Variants in FHIT observed in about 807,000 individuals in gnomAD.
The protein encoded by FHIT is fragile histidine triad diadenosine triphosphatase, also known as bis(5'-adenosyl)-triphosphatase.
A neutral mutation model predicts 17.9 loss-of-function variants in FHIT; 19 were observed. That is an observed-to-expected ratio of 1.06 (90% CI 0.74 to 1.56). The LOEUF is 1.56. FHIT is among the 40% of genes most tolerant of loss of function. FHIT has a pLI of 0.00. For missense variants in FHIT, 248 were observed against 189.2 expected (o/e 1.31, Z -1.82); for synonymous variants, 81 against 69.7 (o/e 1.16, Z -0.81).
intron 4 of FHIT, among the ~76,000 whole-genome samples, chr3:60,540,907 A>G (rs1307416493): frequency 6.6e-6 from 1 of 152,178 alleles, no homozygotes; most frequent in Non-Finnish European, 1.5e-5. Flanking sequence ...TCTCAAGGTG[A>G]CGTCCCTCCA....
chr3:60,731,348 A>C (rs2042025663), intron 4 of FHIT, among the ~76,000 whole-genome samples: 1 of 152,136 alleles, frequency 6.6e-6, no homozygotes, highest in Non-Finnish European at 1.5e-5. Flanking sequence ...CAGGAGTGAA[A>C]GTTTATTAGA....
intron 5 of FHIT, among the ~76,000 whole-genome samples, chr3:60,498,833 C>A (rs74696695): frequency 6.7e-6 from 1 of 149,740 alleles, no homozygotes; most frequent in African/African-American, 2.4e-5. Context: ...TTAAGCTCAA[C>A]TTAAAAAAAA....
chr3:60,441,793 T>TATATATTTATATATAAAATATATATAA (rs1559916406), intron 5 of FHIT, among the ~76,000 whole-genome samples: 2 of 111,240 alleles, frequency 1.8e-5, no homozygotes, highest in Admixed American at 1.1e-4. Context: ...AATATATATA[T>TATATATTTATATATAAAATATATATAA]ATATATATAT....
At chr3:60,218,450 G>A (rs920543438) in intron 5 of FHIT, among the ~76,000 whole-genome samples, 2 of 152,102 alleles carry the variant, frequency 1.3e-5, no homozygotes, top group Non-Finnish European at 1.5e-5. Context: ...AGTTCAACTT[G>A]CCATGACAAA....
intron 4 of FHIT, among the ~76,000 whole-genome samples, chr3:60,545,449 G>C (rs1368857650): frequency 6.6e-6 from 1 of 152,010 alleles, no homozygotes; most frequent in Non-Finnish European, 1.5e-5. Flanking sequence ...GTCAAACCTT[G>C]GGCTTATAGG....
chr3:60,024,473 T>C (rs1478685692), intron 5 of FHIT, among the ~76,000 whole-genome samples: 2 of 152,192 alleles, frequency 1.3e-5, no homozygotes, highest in Non-Finnish European at 2.9e-5. Context: ...CAAAAGACTT[T>C]CAAGAACTCT....
At chr3:60,204,653 T>A (rs930679690) in intron 5 of FHIT, among the ~76,000 whole-genome samples, 1 of 152,048 alleles carries the variant, frequency 6.6e-6, no homozygotes, top group Non-Finnish European at 1.5e-5. Flanking sequence ...GATGCTCAAA[T>A]TTAATAGAAG....
intron 5 of FHIT, among the ~76,000 whole-genome samples, chr3:60,215,968 C>T (rs1323444443): frequency 6.6e-6 from 1 of 152,158 alleles, no homozygotes; most frequent in African/African-American, 2.4e-5. Context: ...TAAAGACATA[C>T]ACTCCAAGTA....
intron 3 of FHIT, among the ~76,000 whole-genome samples, chr3:60,848,632 A>G (rs1418925812): frequency 3.9e-5 from 6 of 152,166 alleles, no homozygotes; most frequent in African/African-American, 1.4e-4. Context: ...TAAGTCATTT[A>G]ACTTTCCTGA....
intron 5 of FHIT, among the ~76,000 whole-genome samples, chr3:60,524,223 CACACACACACACACACA>C: frequency 1.1e-5 from 1 of 94,966 alleles, no homozygotes; most frequent in East Asian, 2.8e-4. Flanking sequence ...CACACACACA[CACACACACACACACACA>C]CACACACAAA....
At chr3:59,832,575 A>G (rs926236357) in intron 8 of FHIT, among the ~76,000 whole-genome samples, 9 of 152,228 alleles carry the variant, frequency 5.9e-5, no homozygotes, top group African/African-American at 2.2e-4. Flanking sequence ...CATTGTGAAT[A>G]GCATGGCCCC....
intron 8 of FHIT, among the ~76,000 whole-genome samples, chr3:59,836,001 C>G (rs1016157525): frequency 1.3e-5 from 2 of 151,990 alleles, no homozygotes; most frequent in African/African-American, 4.8e-5. Flanking sequence ...GGATGGGCAC[C>G]CAGATTTTTA....
intron 5 of FHIT, among the ~76,000 whole-genome samples, chr3:60,210,448 A>C (rs1258084541): frequency 6.6e-6 from 1 of 152,214 alleles, no homozygotes; most frequent in Non-Finnish European, 1.5e-5. Context: ...AAACATGGAT[A>C]CCAGTGATTA....
chr3:60,312,545 CAA>C (rs1392932344), intron 5 of FHIT, among the ~76,000 whole-genome samples: 1 of 152,128 alleles, frequency 6.6e-6, no homozygotes, highest in Non-Finnish European at 1.5e-5. Context: ...AGTGTTTTTG[CAA>C]AGTTTAGTGT....
intron 4 of FHIT, among the ~76,000 whole-genome samples, chr3:60,636,525 C>T (rs555008102): frequency 3.3e-5 from 5 of 152,250 alleles, no homozygotes; most frequent in African/African-American, 1.2e-4. Flanking sequence ...AGGAAGAATC[C>T]TGATAAATTC....
intron 5 of FHIT, among the ~76,000 whole-genome samples, chr3:60,495,302 A>T (rs2034254539): frequency 6.6e-6 from 1 of 152,164 alleles, no homozygotes; most frequent in Admixed American, 6.5e-5. Flanking sequence ...CTTCAAGTAC[A>T]TTCTAACAAA....
intron 5 of FHIT, among the ~76,000 whole-genome samples, chr3:60,296,353 C>T (rs900100674): frequency 6.6e-6 from 1 of 152,078 alleles, no homozygotes; most frequent in Non-Finnish European, 1.5e-5. Flanking sequence ...TTAGTGTTGT[C>T]ACCACTTGTC....
At chr3:60,679,594 C>A (rs1362463811) in intron 4 of FHIT, among the ~76,000 whole-genome samples, 2 of 152,042 alleles carry the variant, frequency 1.3e-5, no homozygotes, top group African/African-American at 2.4e-5. Flanking sequence ...ATTTATTTAA[C>A]AATTTCACTG....
At position 60,996,234 on chromosome 3, in the gene FHIT, G is replaced by A. The variant is rs2030664125; in HGVS notation, c.-111+45813C>T. The stretch of plus-strand genomic sequence containing the variant: ...TCAGAGTGTGACGAGATGGTGGGAG[G>A]TAGATTGTTTTGTTTTGCTTTCAAC... On this transcript the variant is annotated intron_variant, in intron 3 of 9. Transcript: ENST00000492590. 3.3e-5 allele frequency among the ~76,000 whole-genome samples: 5 copies of A among 152,252 alleles called. No homozygotes were observed. In the South Asian group the frequency reaches 1.0e-3, roughly 32 times the overall value.
Sources: allele counts gnomAD v4.1 joint callset (sites outside exome capture counted in the v4.1 genomes callset), GRCh38; gene constraint gnomAD v4.1.1; transcripts MANE v1.5; gene names NCBI Gene and HGNC (gene_info 2026-07-23, HGNC 2026-07-21).